The following ZNF708 variants were observed in gnomAD, a reference collection of about 807,000 sequenced individuals.
ZNF708 encodes the protein ZNF15, ZNF15L1.
ZNF708 carries 44 observed loss-of-function variants against 47.0 expected under a neutral mutation model. That is an observed-to-expected ratio of 0.94 (90% CI 0.74 to 1.20). The LOEUF (loss-of-function observed/expected upper bound fraction) is 1.20, where lower values mean the gene tolerates loss of function less well. Among genes scored for constraint, ZNF708 ranks in the 50% most tolerant of loss-of-function variants. ZNF708 has a pLI of 0.00. For missense variants in ZNF708, 557 were observed against 656.0 expected, an observed-to-expected ratio of 0.85 and a Z score of 1.65; for synonymous variants, 184 against 218.5, an observed-to-expected ratio of 0.84 and a Z score of 1.39.
chr19:21,306,811 T>C (rs1208930152), intron 3 of ZNF708: 1 of 151,692 alleles, frequency 6.6e-6, no homozygotes, highest in Non-Finnish European at 1.5e-5. Flanking sequence ...GGTGTGGTGG[T>C]GCACACCTGT....
chr19:21,316,817 G>A (rs1054203053), intron 1 of ZNF708, among the ~76,000 whole-genome samples: 11 of 149,110 alleles, frequency 7.4e-5, no homozygotes, highest in Admixed American at 1.3e-4. Context: ...ACGAAGTTTC[G>A]CTCTTGTTGC....
chr19:21,311,196 T>C (rs568346844), intron 1 of ZNF708, among the ~76,000 whole-genome samples: 1 of 151,974 alleles, frequency 6.6e-6, no homozygotes, highest in African/African-American at 2.4e-5. Flanking sequence ...TACAGAAAGA[T>C]AAGAGCTTTC....
At chr19:21,297,733 C>T (rs1042429644) in intron 3 of ZNF708, among the ~76,000 whole-genome samples, 5 of 151,762 alleles carry the variant, frequency 3.3e-5, no homozygotes, top group Admixed American at 2.6e-4. Flanking sequence ...TTTTGCAAGT[C>T]AGTTGAAACC....
intron 1 of ZNF708, among the ~76,000 whole-genome samples, chr19:21,324,550 A>G (rs1973219336): frequency 6.6e-6 from 1 of 152,202 alleles, no homozygotes; most frequent in African/African-American, 2.4e-5. Flanking sequence ...CTGGGCAATA[A>G]GAGAGAAATT....
chr19:21,299,137 C>T (rs879763470), intron 3 of ZNF708, among the ~76,000 whole-genome samples: 8 of 152,146 alleles, frequency 5.3e-5, no homozygotes, highest in Admixed American at 2.0e-4. Context: ...GGGTGGATCA[C>T]GAGGTCAGGA....
intron 1 of ZNF708, among the ~76,000 whole-genome samples, chr19:21,323,426 A>AAG (rs1973193322): frequency 1.3e-5 from 2 of 152,170 alleles, no homozygotes; most frequent in Non-Finnish European, 2.9e-5. Context: ...TTCAGTGTGA[A>AAG]ACATTCTCTG....
intron 1 of ZNF708, among the ~76,000 whole-genome samples, chr19:21,314,842 C>A (rs1338417486): frequency 6.6e-6 from 1 of 152,136 alleles, no homozygotes; most frequent in Non-Finnish European, 1.5e-5. Flanking sequence ...GTCAGCCTGA[C>A]ACAATTCTGC....
intron 1 of ZNF708, among the ~76,000 whole-genome samples, chr19:21,323,255 C>T (rs1018141599): frequency 5.3e-5 from 8 of 152,128 alleles, no homozygotes; most frequent in African/African-American, 1.7e-4. Context: ...TAGCAGACAC[C>T]GACTCTGCAC....
intron 1 of ZNF708, among the ~76,000 whole-genome samples, chr19:21,317,149 G>A (rs1293417784): frequency 1.3e-5 from 2 of 151,860 alleles, no homozygotes; most frequent in Non-Finnish European, 2.9e-5. Context: ...GCATGGTGGT[G>A]AGCATCTGTA....
chr19:21,306,953 A>ACATAAC (rs1038692565), intron 3 of ZNF708: 1 of 134,548 alleles, frequency 7.4e-6, no homozygotes. Flanking sequence ...TCAAAAGAAA[A>ACATAAC]ATAACATAAC....
chr19:21,309,149 T>A (rs685844), intron 3 of ZNF708, 97 bp downstream of exon 3: 280,633 of 1,208,516 alleles, frequency 0.23, 34,291 homozygotes, highest in Non-Finnish European at 0.25. Context: ...CTAGAAACTT[T>A]GGAACACAGA....
chr19:21,297,110 G>T (rs1409922733), intron 3 of ZNF708, among the ~76,000 whole-genome samples: 1 of 150,820 alleles, frequency 6.6e-6, no homozygotes, highest in African/African-American at 2.4e-5. Flanking sequence ...TCCAGCCTGG[G>T]TGACAGAGCA....
chr19:21,307,027 TA>T (rs1210345668), intron 3 of ZNF708: 4 of 120,426 alleles, frequency 3.3e-5, no homozygotes, highest in Admixed American at 8.0e-5. Flanking sequence ...TAACATAACA[TA>T]ACATACATAA....
intron 3 of ZNF708, among the ~76,000 whole-genome samples, chr19:21,299,343 A>C (rs1326282443): frequency 6.6e-6 from 1 of 151,988 alleles, no homozygotes; most frequent in East Asian, 1.9e-4. Flanking sequence ...ACAGAGTGAG[A>C]CTCTGTCTCA....
In ZNF708 at chr19:21,322,875, C is replaced by T. The variant is rs112774298; in HGVS notation, c.3+6335G>A. ...CAGCACAGGCCCTGACTCAGTCCCA[C>T]ACTGTCCTTACGGCAGATGCCAGGC... On this transcript the variant is annotated intron_variant, in intron 1 of 3. Transcript: ENST00000356929. Among the ~76,000 whole-genome samples, 994 of 152,334 alleles carry T rather than the reference C, an allele frequency of 6.5e-3. 19 individuals are homozygous for T. Among genetic ancestry groups the T allele is most frequent in the African/African-American group, 0.022 (916 of 41,584 alleles).
intron 3 of ZNF708, among the ~76,000 whole-genome samples, chr19:21,308,467 C>T (rs191475506): frequency 3.8e-4 from 58 of 152,152 alleles, no homozygotes; most frequent in Non-Finnish European, 6.6e-4. Flanking sequence ...TTAGTGGACA[C>T]GGTATTTCAC....
chr19:21,293,328 G>T lies in ZNF708; in HGVS notation c.1638C>A (p.Asn546Lys), dbSNP rs1289514546. The stretch of plus-strand genomic sequence containing the variant: ...TATGAATTCTCTTATGTTTAGTAAG[G>T]TTTGGGGACTGGTTAAAGGCTTTGC... ...ECGKAFNQSP[N>K]LTKHKRIHTK... is the part of the protein sequence containing the mutation. Residue 546 changes from asparagine to lysine, a missense_variant, in exon 4 of 4, where the codon AAC (asparagine) becomes AAA (lysine). Transcript: ENST00000356929. The T allele has an allele frequency of 6.2e-7, 1 of 1,612,560 alleles. No individual in the cohort carries two copies. Among genetic ancestry groups the T allele is most frequent in the East Asian group, 2.2e-5 (1 of 44,772 alleles).
intron 3 of ZNF708, among the ~76,000 whole-genome samples, chr19:21,304,311 C>G (rs1415435275): frequency 1.3e-5 from 2 of 151,224 alleles, no homozygotes; most frequent in African/African-American, 4.9e-5. Flanking sequence ...TAGAGCGTAA[C>G]CTTTTTGATT....
At chr19:21,296,662 G>A (rs1004841677) in intron 3 of ZNF708, among the ~76,000 whole-genome samples, 4 of 150,834 alleles carry the variant, frequency 2.7e-5, no homozygotes, top group African/African-American at 7.3e-5. Context: ...ACATGATGCA[G>A]GAAAACACAT....
Sources: allele counts gnomAD v4.1 joint callset (sites outside exome capture counted in the v4.1 genomes callset), GRCh38; gene constraint gnomAD v4.1.1; transcripts MANE v1.5; gene names NCBI Gene and HGNC (gene_info 2026-07-23, HGNC 2026-07-21).